PCDHA13: variants seen among roughly 807,000 people sequenced by gnomAD.
The protein encoded by PCDHA13 is protocadherin alpha 13, also known as protocadherin alpha-13.
In PCDHA13, 54 loss-of-function variants were observed where a neutral mutation model predicts 64.8. That is an observed-to-expected ratio of 0.83 (90% confidence interval 0.67 to 1.04). The LOEUF is 1.04. PCDHA13 is among the 50% of genes least tolerant of loss of function. PCDHA13 has a pLI of 0.00. For synonymous variants in PCDHA13, 587 were observed against 564.4 expected, an observed-to-expected ratio of 1.04 and a Z score of -0.57; for missense variants, 1,248 against 1,254.3, an observed-to-expected ratio of 0.99 and a Z score of 0.08.
In PCDHA13 at chr5:140,883,313, G is replaced by A. The variant is rs1469839417; in HGVS notation, c.1045G>A (p.Glu349Lys). The A allele has an allele frequency of 1.2e-6, 2 of 1,614,000 alleles. No individual in the cohort carries two copies. The highest frequency in any genetic ancestry group is 2.7e-5 in the African/African-American group (2 of 74,906). The change falls in exon 1 of 4, where the codon GAG becomes AAG. Residue 349 changes from glutamate (E) to lysine (K), a missense_variant. Transcript: ENST00000289272. ...ACTAGATGTAAATGATAACGCCCCAGAGGTTACCATCACTTCTTTGTCACT... is the reference window on the plus strand; with the variant it reads ...ACTAGATGTAAATGATAACGCCCCAAAGGTTACCATCACTTCTTTGTCACT... The part of the protein sequence containing the change: ...EVLDVNDNAP[E>K]VTITSLSLPI...
chr5:140,913,807 C>A (rs2076472600), intron 1 of PCDHA13, among the ~76,000 whole-genome samples: 1 of 152,068 alleles, frequency 6.6e-6, no homozygotes, highest in African/African-American at 2.4e-5. Flanking sequence ...ATCAAATTTT[C>A]AATTTCCTTT....
chr5:140,928,262 A>G, intron 1 of PCDHA13: 1 of 1,614,214 alleles, frequency 6.2e-7, no homozygotes, highest in Non-Finnish European at 8.5e-7. Flanking sequence ...GTTGCTGAAA[A>G]CAATGGCCCT....
At chr5:140,925,812 A>G (rs2082739434) in intron 1 of PCDHA13, among the ~76,000 whole-genome samples, 1 of 151,890 alleles carries the variant, frequency 6.6e-6, no homozygotes. Flanking sequence ...TCCACTTCTC[A>G]CGTCTTCTTT....
intron 1 of PCDHA13, among the ~76,000 whole-genome samples, chr5:140,959,626 AAG>A (rs529579902): frequency 6.2e-4 from 95 of 152,334 alleles, no homozygotes; most frequent in African/African-American, 2.0e-3. Context: ...GATAGAAAAA[AAG>A]AGAGAAAAAA....
Position 141,012,299 on chromosome 5 carries a change from A to G in PCDHA13, c.*2362A>G, listed in dbSNP as rs1554263904. 1 of 153,754 alleles carries G rather than the reference A, an allele frequency of 6.5e-6. No homozygotes were observed. Among genetic ancestry groups the G allele is most frequent in the African/African-American group, 2.4e-5 (1 of 41,456 alleles). The allele number at this position is 153,754 out of a possible 1,614,324, so 9.5% of individuals were successfully genotyped here. A position where few individuals can be genotyped will look rare whatever the true frequency, so the allele number is the denominator to read the frequency against. ...TGTGGATTCATTTTGAATTGGTGCT[A>G]TTGGTATTTCCTCTGTTATTGCTAA... On this transcript the variant is annotated 3_prime_UTR_variant, in exon 4 of 4. Transcript: ENST00000289272.
At chr5:140,937,546 G>A (rs1584916949) in intron 1 of PCDHA13, among the ~76,000 whole-genome samples, 1 of 152,050 alleles carries the variant, frequency 6.6e-6, no homozygotes, top group Non-Finnish European at 1.5e-5. Flanking sequence ...GAACCTGCGA[G>A]GCAGAGGTTG....
At chr5:140,999,521 T>C (rs1554256849) in intron 3 of PCDHA13, among the ~76,000 whole-genome samples, 1 of 152,106 alleles carries the variant, frequency 6.6e-6, no homozygotes, top group Non-Finnish European at 1.5e-5. Flanking sequence ...AGCATTTTGT[T>C]ACCCCCTGGA....
At chr5:140,944,558 G>A (rs140707063) in intron 1 of PCDHA13, among the ~76,000 whole-genome samples, 10 of 152,230 alleles carry the variant, frequency 6.6e-5, no homozygotes, top group African/African-American at 2.2e-4. Flanking sequence ...TAGTTTTCCT[G>A]GCAACTTACT....
intron 3 of PCDHA13, among the ~76,000 whole-genome samples, chr5:141,002,021 C>T (rs1177146388): frequency 6.6e-6 from 1 of 152,184 alleles, no homozygotes; most frequent in Non-Finnish European, 1.5e-5. Context: ...GCACAGCCTT[C>T]GGTGCCCTGA....
At chr5:140,936,640 C>T (rs782162757) in intron 1 of PCDHA13, among the ~76,000 whole-genome samples, 2 of 152,208 alleles carry the variant, frequency 1.3e-5, no homozygotes, top group Non-Finnish European at 2.9e-5. Flanking sequence ...TCATAAGCAA[C>T]GTGACTTTAT....
At position 141,011,769 on chromosome 5, in the gene PCDHA13, A is replaced by C. The variant is rs2098421803; in HGVS notation, c.*1832A>C. 1 of 153,794 alleles carries C rather than the reference A, an allele frequency of 6.5e-6. No homozygotes were observed. The highest frequency in any genetic ancestry group is 1.5e-5 in the Non-Finnish European group (1 of 68,040). 9.5% of individuals were successfully genotyped at this position (153,794 alleles called of 1,614,324 possible). On this transcript the variant is annotated 3_prime_UTR_variant, in exon 4 of 4. Coordinates refer to ENST00000289272, the MANE Select transcript of PCDHA13 (RefSeq NM_018904.3). ...AATCTGACCTCTTTGAAGTTGCAGA[A>C]TGCTTTGAAATTCTAATGGTATCTG... is the stretch of plus-strand genomic sequence containing the variant.
At chr5:140,961,561 T>C (rs1554225472) in intron 1 of PCDHA13, among the ~76,000 whole-genome samples, 1 of 152,170 alleles carries the variant, frequency 6.6e-6, no homozygotes, top group African/African-American at 2.4e-5. Flanking sequence ...TTTTTTTAAA[T>C]TTTGTTTTGA....
At chr5:140,890,530 T>G (rs2062685019) in intron 1 of PCDHA13, among the ~76,000 whole-genome samples, 1 of 152,222 alleles carries the variant, frequency 6.6e-6, no homozygotes. Flanking sequence ...TTGTTGATCT[T>G]CTTTTGAAAT....
intron 1 of PCDHA13, among the ~76,000 whole-genome samples, chr5:140,965,867 C>T (rs1267904737): frequency 1.3e-5 from 2 of 152,164 alleles, no homozygotes; most frequent in Non-Finnish European, 2.9e-5. Context: ...AAAATAAGGG[C>T]CACTTGGCCG....
At position 140,890,629 on chromosome 5, in the gene PCDHA13, A is replaced by T. The variant is rs6883083; in HGVS notation, c.2394+5967A>T. On this transcript the variant is annotated intron_variant, in intron 1 of 3. Transcript: ENST00000289272. ...TAGTGCTTACCCTAGAAAATTAAGCATGTATCCTTGATATATCAAAATCAA... is the reference window on the plus strand; with the variant it reads ...TAGTGCTTACCCTAGAAAATTAAGCTTGTATCCTTGATATATCAAAATCAA... Among the ~76,000 whole-genome samples, 1,394 of 152,274 alleles carry T rather than the reference A, an allele frequency of 9.2e-3. 17 individuals are homozygous for T. Among genetic ancestry groups the T allele is most frequent in the African/African-American group, 0.032 (1,348 of 41,546 alleles).
At position 140,884,470 on chromosome 5, in the gene PCDHA13, G is replaced by A. The variant is rs1453696477; in HGVS notation, c.2202G>A (p.Pro734=). The A allele has an allele frequency of 2.5e-6, 4 of 1,613,644 alleles. No homozygotes were observed. Among genetic ancestry groups the A allele is most frequent in the South Asian group, 2.2e-5 (2 of 91,036 alleles). The change falls in exon 1 of 4, where the codon CCG becomes CCA. Residue 734 remains proline (P), a synonymous_variant. Coordinates refer to ENST00000289272, the MANE Select transcript of PCDHA13 (RefSeq NM_018904.3). ...SAPPTEGACA[P]GKPTLVCSSA... The stretch of plus-strand genomic sequence containing the variant: ...CGCCCACCGAGGGCGCGTGCGCGCC[G>A]GGCAAGCCCACTCTAGTGTGCTCCA...
intron 1 of PCDHA13, among the ~76,000 whole-genome samples, chr5:140,900,829 A>G (rs2068324648): frequency 6.6e-6 from 1 of 152,110 alleles, no homozygotes; most frequent in Non-Finnish European, 1.5e-5. Context: ...TCCCACCAAC[A>G]ATGTACAAAG....
rs116377419 is a variant in PCDHA13, at chr5:140,884,621, G to A, written c.2353G>A (p.Gly785Arg). The change falls in exon 1 of 4, where the codon GGA (glycine) becomes AGA (arginine). Residue 785 changes from glycine to arginine, a missense_variant. By Grantham distance (125) the Gly-to-Arg change is moderately radical. Coordinates refer to ENST00000289272, the MANE Select transcript of PCDHA13 (RefSeq NM_018904.3). Reference protein sequence around the residue: ...SLPPCLGSAEGTGQREEDSEC... With the variant: ...SLPPCLGSAERTGQREEDSEC... ...TCCTCCTTGTCTGGGTTCTGCAGAG[G>A]GAACAGGCCAGAGGGAGGAGGACTC... 8.0e-4 allele frequency: 1,287 copies of A among 1,613,996 alleles called. 6 individuals carry two copies. The African/African-American group carries it at 0.016, about 20-fold the overall frequency.
At chr5:140,893,898 C>T (rs2064223960) in intron 1 of PCDHA13, among the ~76,000 whole-genome samples, 9 of 152,114 alleles carry the variant, frequency 5.9e-5, no homozygotes, top group Admixed American at 5.2e-4. Flanking sequence ...GTTACTTTAC[C>T]TTCTGAATTT....
Sources: allele counts gnomAD v4.1 joint callset (sites outside exome capture counted in the v4.1 genomes callset), GRCh38; gene constraint gnomAD v4.1.1; transcripts MANE v1.5; gene names NCBI Gene and HGNC (gene_info 2026-07-23, HGNC 2026-07-21).